RICTOR: variants seen among roughly 807,000 people sequenced by gnomAD.
RICTOR encodes the protein rapamycin-insensitive companion of mTOR.
In RICTOR, 49 loss-of-function variants were observed where a neutral mutation model predicts 214.9. That is an observed-to-expected ratio of 0.23 (90% CI 0.18 to 0.29). The LOEUF is 0.29. Ranked by LOEUF, RICTOR falls within the 10% of genes least tolerant of loss-of-function variation. The pLI is 1.00. For missense variants in RICTOR, 1,625 were observed against 2,047.0 expected, an observed-to-expected ratio of 0.79 and a Z score of 3.98; for synonymous variants, 717 against 711.3, an observed-to-expected ratio of 1.01 and a Z score of -0.13.
chr5:39,014,496 T>C (rs530092707), intron 3 of RICTOR, among the ~76,000 whole-genome samples: 1 of 152,122 alleles, frequency 6.6e-6, no homozygotes, highest in South Asian at 2.1e-4. Context: ...TTTACTCAGC[T>C]TATAATACCT....
At chr5:39,006,043 C>CA (rs1754028399) in intron 3 of RICTOR, among the ~76,000 whole-genome samples, 1 of 152,190 alleles carries the variant, frequency 6.6e-6, no homozygotes, top group Admixed American at 6.5e-5. Flanking sequence ...CTTGATGCAT[C>CA]TAGGTAGGAC....
At chr5:39,045,396 C>T (rs1215286885) in intron 2 of RICTOR, among the ~76,000 whole-genome samples, 8 of 152,060 alleles carry the variant, frequency 5.3e-5, no homozygotes. Context: ...CTTTCTAAGA[C>T]AGTAAAAATA....
chr5:39,070,194 G>T (rs1030781082), intron 2 of RICTOR, among the ~76,000 whole-genome samples: 1 of 152,176 alleles, frequency 6.6e-6, no homozygotes, highest in Non-Finnish European at 1.5e-5. Flanking sequence ...GGCCGGGTGC[G>T]GTGGCTCACG....
rs1747501755 is a variant in RICTOR, at chr5:38,940,960, A to C, written c.*1344T>G. The C allele has an allele frequency of 4.3e-6, 1 of 232,526 alleles. No individual in the cohort carries two copies. Among genetic ancestry groups the C allele is most frequent in the Admixed American group, 5.6e-5 (1 of 17,762 alleles). 14.4% of individuals were successfully genotyped at this position (232,526 alleles called of 1,614,324 possible). A position where few individuals can be genotyped will look rare whatever the true frequency, so the allele number is the denominator to read the frequency against. On this transcript the variant is annotated 3_prime_UTR_variant, in exon 38 of 38. Transcript: ENST00000357387. ...ACAAATGAATTAAAAAAGAATCCTA[A>C]TCAGTCCAGCTGGATTTTCTATTTC... is the stretch of plus-strand genomic sequence containing the variant.
intron 2 of RICTOR, among the ~76,000 whole-genome samples, chr5:39,024,974 A>ACT: frequency 6.6e-6 from 1 of 152,320 alleles, no homozygotes; most frequent in South Asian, 2.1e-4. Flanking sequence ...TCCCTCTCTA[A>ACT]TGTATCTAAC....
At chr5:38,944,873 G>C in intron 35 of RICTOR, 40 bp downstream of exon 35, 1 of 1,582,166 alleles carries the variant, frequency 6.3e-7, no homozygotes, top group Admixed American at 1.7e-5. Flanking sequence ...AATCAGAACA[G>C]TTTTACTAAT....
At chr5:38,968,169 A>G (rs1415161856) in intron 11 of RICTOR, 139 bp from the exon 12 acceptor site, 4 of 613,932 alleles carry the variant, frequency 6.5e-6, no homozygotes, top group East Asian at 2.8e-5. Context: ...ATTTTAGTCA[A>G]TGATGGACCA....
At chr5:39,016,763 C>A (rs1204039428) in intron 3 of RICTOR, among the ~76,000 whole-genome samples, 1 of 152,104 alleles carries the variant, frequency 6.6e-6, no homozygotes, top group Non-Finnish European at 1.5e-5. Context: ...TGTATCTTCA[C>A]TGTCCAATGT....
intron 2 of RICTOR, among the ~76,000 whole-genome samples, chr5:39,072,382 C>T (rs1302111009): frequency 6.6e-6 from 1 of 152,154 alleles, no homozygotes; most frequent in Non-Finnish European, 1.5e-5. Flanking sequence ...CACAACTCAA[C>T]ATTTTTGACA....
At chr5:39,021,952 G>C (rs79452406) in intron 2 of RICTOR, among the ~76,000 whole-genome samples, 6,846 of 152,212 alleles carry the variant, frequency 0.045, 286 homozygotes, top group African/African-American at 0.1. Context: ...CTGTGACTTA[G>C]AACGGTTAGA....
intron 3 of RICTOR, among the ~76,000 whole-genome samples, chr5:39,004,393 T>C (rs755374166): frequency 6.6e-6 from 1 of 152,192 alleles, no homozygotes; most frequent in Non-Finnish European, 1.5e-5. Context: ...CCTCCACTAT[T>C]TCAGTTGTGA....
intron 2 of RICTOR, among the ~76,000 whole-genome samples, chr5:39,046,690 C>T (rs1757524557): frequency 6.6e-6 from 1 of 152,124 alleles, no homozygotes; most frequent in Admixed American, 6.5e-5. Context: ...CTGTCTCAAT[C>T]CTTTTCATAA....
In RICTOR at chr5:39,074,171, GAC is replaced by G; in HGVS notation, c.50-15_50-14del. The G allele has an allele frequency of 6.3e-7, 1 of 1,590,652 alleles. No homozygotes were observed. Among genetic ancestry groups the G allele is most frequent in the African/African-American group, 1.4e-5 (1 of 72,376 alleles). On this transcript the variant is annotated splice_polypyrimidine_tract_variant and intron_variant, in intron 1 of 37. Transcript: ENST00000357387. ...CTGTCATTCCGCCCTGCGCGAAACAGACACACAGCCCCAATTAGGATTGGCTC... is the reference window on the plus strand; with the variant it reads ...CTGTCATTCCGCCCTGCGCGAAACAGACACAGCCCCAATTAGGATTGGCTC...
chr5:38,971,658 C>T lies in RICTOR; in HGVS notation c.972+219G>A, dbSNP rs193279773. Reference sequence around the variant, plus strand: ...GGCCTCCCAAAGTTCTGGGATTACACGCATGAGCCACCGTGCCCAGACAAC... The same window carrying T: ...GGCCTCCCAAAGTTCTGGGATTACATGCATGAGCCACCGTGCCCAGACAAC... On this transcript the variant is annotated intron_variant, in intron 11 of 37. Transcript: ENST00000357387. 102 of 332,776 alleles carry T rather than the reference C, an allele frequency of 3.1e-4. 2 individuals carry two copies. The East Asian group carries it at 5.9e-3, about 19-fold the overall frequency. 20.6% of individuals were successfully genotyped at this position (332,776 alleles called of 1,614,324 possible).
chr5:38,952,067 G>A (rs1357367076), intron 30 of RICTOR, 129 bp downstream of exon 30: 1 of 616,162 alleles, frequency 1.6e-6, no homozygotes, highest in African/African-American at 1.9e-5. Flanking sequence ...TTCTCCAAGA[G>A]GCTATTATTG....
chr5:38,961,444 A>G (rs377619786), intron 19 of RICTOR, among the ~76,000 whole-genome samples: 12 of 152,160 alleles, frequency 7.9e-5, no homozygotes, highest in African/African-American at 2.7e-4. Flanking sequence ...ATTTAGGCCA[A>G]TGAATTTATA....
chr5:39,038,168 T>C (rs1348068262), intron 2 of RICTOR, among the ~76,000 whole-genome samples: 1 of 151,970 alleles, frequency 6.6e-6, no homozygotes, highest in Non-Finnish European at 1.5e-5. Context: ...GTTCAACATA[T>C]GCAAATCAAT....
At chr5:39,008,825 C>T (rs868259393) in intron 3 of RICTOR, among the ~76,000 whole-genome samples, 16 of 151,768 alleles carry the variant, frequency 1.1e-4, no homozygotes, top group Middle Eastern at 6.8e-3. Flanking sequence ...TTTCAGAATA[C>T]TAGCATTATC....
chr5:39,025,669 C>T (rs1755761024), intron 2 of RICTOR, among the ~76,000 whole-genome samples: 1 of 152,176 alleles, frequency 6.6e-6, no homozygotes, highest in Non-Finnish European at 1.5e-5. Context: ...CTGCCAATTT[C>T]TCACTGTCTC....
Sources: allele counts gnomAD v4.1 joint callset (sites outside exome capture counted in the v4.1 genomes callset), GRCh38; gene constraint gnomAD v4.1.1; transcripts MANE v1.5; gene names NCBI Gene and HGNC (gene_info 2026-07-23, HGNC 2026-07-21).